SBF2: variants seen among roughly 807,000 people sequenced by gnomAD.
The protein encoded by SBF2 is SET binding factor 2, also known as myotubularin-related protein 13.
Under a neutral mutation model 225.2 loss-of-function variants are expected in SBF2, and 112 were observed. That is an observed-to-expected ratio of 0.50 (90% confidence interval 0.43 to 0.58). SBF2 has a LOEUF of 0.58. Ranked by LOEUF, SBF2 falls within the 20% of genes least tolerant of loss-of-function variation. The pLI is 0.00. For missense variants in SBF2, 1,996 were observed against 2,206.2 expected (o/e 0.90, Z 1.91); for synonymous variants, 763 against 773.3 (o/e 0.99, Z 0.22).
chr11:9,932,428 A>T (rs1373471265), intron 16 of SBF2, among the ~76,000 whole-genome samples: 1 of 152,204 alleles, frequency 6.6e-6, no homozygotes, highest in Admixed American at 6.5e-5. Flanking sequence ...CTAACAGTGG[A>T]TCTCTCGGCA....
intron 1 of SBF2, among the ~76,000 whole-genome samples, chr11:10,216,971 C>A (rs1192054119): frequency 6.6e-6 from 1 of 152,066 alleles, no homozygotes; most frequent in Admixed American, 6.6e-5. Flanking sequence ...CTAAATGAAT[C>A]TTTTAAAAAA....
chr11:10,030,271 A>G (rs1448317205), intron 4 of SBF2, among the ~76,000 whole-genome samples: 2 of 152,188 alleles, frequency 1.3e-5, no homozygotes, highest in African/African-American at 4.8e-5. Flanking sequence ...TCTACAGAAA[A>G]ATTTAACATG....
At chr11:9,894,915 G>A (rs1316852549) in intron 17 of SBF2, among the ~76,000 whole-genome samples, 1 of 152,044 alleles carries the variant, frequency 6.6e-6, no homozygotes, top group Admixed American at 6.6e-5. Context: ...ATGGGAGGAG[G>A]AGGTTGCAAT....
chr11:10,192,477 A>G (rs1783450893), intron 2 of SBF2, among the ~76,000 whole-genome samples: 1 of 152,212 alleles, frequency 6.6e-6, no homozygotes. Flanking sequence ...CATGCCAACA[A>G]GAGAATGAAC....
At chr11:10,161,816 T>TA (rs1565301308) in intron 2 of SBF2, among the ~76,000 whole-genome samples, 1 of 143,806 alleles carries the variant, frequency 7.0e-6, no homozygotes, top group African/African-American at 2.5e-5. Flanking sequence ...AAAAAAAAAA[T>TA]AATAATTAAA....
intron 1 of SBF2, among the ~76,000 whole-genome samples, chr11:10,290,252 G>C (rs904392154): frequency 6.6e-6 from 1 of 152,068 alleles, no homozygotes; most frequent in African/African-American, 2.4e-5. Flanking sequence ...TAGACCAAGA[G>C]AGCTAGGGAA....
intron 16 of SBF2, 25 bp downstream of exon 16, chr11:9,961,932 A>G (rs752841847): frequency 6.2e-7 from 1 of 1,600,488 alleles, no homozygotes; most frequent in East Asian, 2.2e-5. Context: ...AATAAGAGGA[A>G]TAATCTGAAA....
chr11:10,036,284 G>A (rs749940463), intron 3 of SBF2, among the ~76,000 whole-genome samples: 10 of 152,142 alleles, frequency 6.6e-5, no homozygotes, highest in Admixed American at 1.3e-4. Context: ...TTAGGGGAGC[G>A]ATAGCATTAG....
Position 10,064,071 on chromosome 11 carries a change from GA to G in SBF2, c.142-21091del, listed in dbSNP as rs1354823203. On this transcript the variant is annotated intron_variant, in intron 2 of 39. Coordinates refer to ENST00000256190, the MANE Select transcript of SBF2 (RefSeq NM_030962.4). ...AGTAACTACATGGGTAAATGCATAAGATTTTTTTTATTATTTAAATATCTTT... is the reference window on the plus strand; with the variant it reads ...AGTAACTACATGGGTAAATGCATAAGTTTTTTTTATTATTTAAATATCTTT... Among the ~76,000 whole-genome samples, 4 of 152,180 alleles carry G rather than the reference GA, an allele frequency of 2.6e-5. No individual in the cohort carries two copies. In the East Asian group the frequency reaches 7.7e-4, roughly 29 times the overall value.
intron 2 of SBF2, among the ~76,000 whole-genome samples, chr11:10,077,965 C>T (rs899671319): frequency 2.0e-5 from 3 of 152,066 alleles, no homozygotes; most frequent in African/African-American, 7.2e-5. Flanking sequence ...ACCTCATCAA[C>T]AAGTGGGCAA....
At chr11:10,136,688 A>G (rs1954371081) in intron 2 of SBF2, among the ~76,000 whole-genome samples, 1 of 152,244 alleles carries the variant, frequency 6.6e-6, no homozygotes, top group African/African-American at 2.4e-5. Context: ...TGGGAATTCT[A>G]GGTAATTAAT....
intron 2 of SBF2, among the ~76,000 whole-genome samples, chr11:10,173,278 A>G (rs1956291244): frequency 6.6e-6 from 1 of 152,200 alleles, no homozygotes; most frequent in African/African-American, 2.4e-5. Flanking sequence ...AGTGCCAGAC[A>G]GTGGGCACAG....
chr11:9,920,229 T>C (rs915058691), intron 16 of SBF2, among the ~76,000 whole-genome samples: 4 of 145,874 alleles, frequency 2.7e-5, no homozygotes, highest in Non-Finnish European at 6.1e-5. Flanking sequence ...TACACACACA[T>C]ATATGTATAT....
chr11:10,089,685 C>T (rs1951705665), intron 2 of SBF2, among the ~76,000 whole-genome samples: 1 of 152,122 alleles, frequency 6.6e-6, no homozygotes. Flanking sequence ...AAATTTTAAA[C>T]ATTAACATAT....
chr11:9,902,582 AT>A (rs1470826281), intron 16 of SBF2, among the ~76,000 whole-genome samples: 1 of 152,202 alleles, frequency 6.6e-6, no homozygotes, highest in Non-Finnish European at 1.5e-5. Context: ...TATTTTACAG[AT>A]TTGATTTTTC....
intron 2 of SBF2, among the ~76,000 whole-genome samples, chr11:10,049,407 G>T (rs1374808765): frequency 6.6e-6 from 1 of 152,120 alleles, no homozygotes; most frequent in African/African-American, 2.4e-5. Context: ...AGAAGTTTGA[G>T]ACCAGCCTGG....
rs114621216 is a variant in SBF2 at position 9,942,012 on chromosome 11, C to T, written c.1860+19945G>A. 9.8e-3 allele frequency among the ~76,000 whole-genome samples: 1,486 copies of T among 152,230 alleles called. 26 individuals carry two copies. Among genetic ancestry groups the T allele is most frequent in the African/African-American group, 0.033 (1,391 of 41,560 alleles). On this transcript the variant is annotated intron_variant, in intron 16 of 39. Coordinates refer to ENST00000256190, the MANE Select transcript of SBF2 (RefSeq NM_030962.4). ...AAGACAGCATTTACAGTAACAACAA[C>T]AAAACAGGGCACCTAACAATAAATT...
intron 16 of SBF2, chr11:9,960,484 G>A (rs1414028995): frequency 6.6e-6 from 1 of 151,962 alleles, no homozygotes; most frequent in Non-Finnish European, 1.5e-5. Context: ...TGTATCAATG[G>A]TATGTTATGT....
intron 13 of SBF2, among the ~76,000 whole-genome samples, chr11:9,971,856 A>G (rs1405033488): frequency 1.3e-5 from 2 of 152,190 alleles, no homozygotes; most frequent in African/African-American, 4.8e-5. Flanking sequence ...AGATTTCCAG[A>G]TATCAAAACT....
Sources: gnomAD v4.1 joint callset for allele counts (sites outside exome capture counted in the v4.1 genomes callset) on GRCh38, gnomAD v4.1.1 for gene constraint, MANE v1.5 for transcripts, NCBI Gene and HGNC (gene_info 2026-07-23, HGNC 2026-07-21) for gene names.